CRMP1: variants seen among roughly 807,000 people sequenced by gnomAD.
CRMP1 encodes collapsin response mediator protein 1.
Under a neutral mutation model 68.3 loss-of-function variants are expected in CRMP1, and 19 were observed. The observed-to-expected ratio is 0.28, with a 90% CI of 0.19 to 0.41. CRMP1 has a LOEUF of 0.41. CRMP1 is among the 10% of genes least tolerant of loss of function. The probability of loss-of-function intolerance (pLI) is 1.00; values close to 1 mark genes in which losing one functional copy is unlikely to be tolerated. For missense variants in CRMP1, 791 were observed against 967.4 expected (o/e 0.82, Z 2.42); for synonymous variants, 439 against 399.6 (o/e 1.10, Z -1.18).
In CRMP1 at chr4:5,888,563, G is replaced by A. The variant is rs1406195036; in HGVS notation, c.381+4026C>T. 97 of 1,124,440 alleles carry A rather than the reference G, an allele frequency of 8.6e-5. No individual in the cohort carries two copies. Among genetic ancestry groups the A allele is most frequent in the Non-Finnish European group, 1.0e-4 (92 of 919,446 alleles). The allele number at this position is 1,124,440 out of a possible 1,614,324, so 69.7% of individuals were successfully genotyped here. ...ACAGCTCCTCCCGGCGGCGCGGAGC[G>A]AAGCCGGATTCGCCCCTCTCGGCTC... On this transcript the variant is annotated intron_variant, in intron 1 of 13. Transcript: ENST00000324989. The surrounding 1 kb of genome is among the most constrained non-coding windows in gnomAD (Gnocchi z 6.4).
In CRMP1 at chr4:5,890,572, T is replaced by C. The variant is rs1267417376; in HGVS notation, c.381+2017A>G. ...TCCGTGGAGATCGCGAGCCCCTGAGTTCCACAGTCGCGAAGCTCGAGTGCT... is the reference window on the plus strand; with the variant it reads ...TCCGTGGAGATCGCGAGCCCCTGAGCTCCACAGTCGCGAAGCTCGAGTGCT... On this transcript the variant is annotated intron_variant, in intron 1 of 13. Coordinates refer to ENST00000324989, the MANE Select transcript of CRMP1 (RefSeq NM_001014809.3). This position sits in a 1 kb window ranked among gnomAD's most constrained non-coding sequence, Gnocchi z 5.5. Among the ~76,000 whole-genome samples the C allele has an allele frequency of 6.6e-6, 1 of 152,180 alleles. No individual in the cohort carries two copies. The highest frequency in any genetic ancestry group is 1.5e-5 in the Non-Finnish European group (1 of 68,020).
rs1440510124 is a variant in CRMP1, at chr4:5,887,817, C to T, written c.381+4772G>A. 7.0e-6 allele frequency: 7 copies of T among 994,692 alleles called. No homozygotes were observed. In the South Asian group the frequency reaches 2.8e-4, roughly 40 times the overall value. 61.6% of individuals were successfully genotyped at this position (994,692 alleles called of 1,614,324 possible). On this transcript the variant is annotated intron_variant, in intron 1 of 13. Coordinates refer to ENST00000324989, the MANE Select transcript of CRMP1 (RefSeq NM_001014809.3). ...GGTACCGGGCTGTGGGGTGCATGGG[C>T]CGGACGGTGCGGGGGCCGAGCCAAG...
At position 5,854,797 on chromosome 4, in the gene CRMP1, G is replaced by A. The variant is rs145556084; in HGVS notation, c.820+1346C>T. On this transcript the variant is annotated intron_variant, in intron 4 of 13. Transcript: ENST00000324989. The surrounding 1 kb of genome is among the most constrained non-coding windows in gnomAD (Gnocchi z 4.0). ...AGATTCTGGCATAGGATTTGCAGGGGTACAAGGGGATGCATCTTTCAGGAA... is the reference window on the plus strand; with the variant it reads ...AGATTCTGGCATAGGATTTGCAGGGATACAAGGGGATGCATCTTTCAGGAA... 2.2e-4 allele frequency among the ~76,000 whole-genome samples: 33 copies of A among 152,266 alleles called. No individual in the cohort carries two copies. In the East Asian group the frequency reaches 6.4e-3, roughly 29 times the overall value.
intron 13 of CRMP1, among the ~76,000 whole-genome samples, chr4:5,823,137 G>A (rs1718955578): frequency 6.6e-6 from 1 of 152,048 alleles, no homozygotes; most frequent in Non-Finnish European, 1.5e-5. Flanking sequence ...TTGAATTTGG[G>A]CAATTTGGAG....
intron 12 of CRMP1, chr4:5,828,256 C>T: frequency 6.1e-6 from 6 of 985,338 alleles, no homozygotes; most frequent in Non-Finnish European, 7.2e-6. Context: ...CTCACGGGTG[C>T]ACACCCCTCT....
At position 5,825,385 on chromosome 4, in the gene CRMP1, T is replaced by A. The variant is rs77900989; in HGVS notation, c.1969+109A>T. 5,012 of 1,465,328 alleles carry A rather than the reference T, an allele frequency of 3.4e-3. 153 individuals are homozygous for A. The African/African-American group carries it at 0.066, about 19-fold the overall frequency. 90.8% of individuals were successfully genotyped at this position (1,465,328 alleles called of 1,614,324 possible). A position where few individuals can be genotyped will look rare whatever the true frequency, so the allele number is the denominator to read the frequency against. ...GGGTGGGGCACACTCCCTTCCCTGC[T>A]TCTTCATCTAGTGTCCAAGGCCACG... On this transcript the variant is annotated intron_variant, in intron 13 of 13. Transcript: ENST00000324989. This position sits in a 1 kb window ranked among gnomAD's most constrained non-coding sequence, Gnocchi z 4.4.
rs1297843517 is a variant in CRMP1, at chr4:5,866,118, C to T, written c.470+550G>A. On this transcript the variant is annotated intron_variant, in intron 2 of 13. Transcript: ENST00000324989. This position sits in a 1 kb window ranked among gnomAD's most constrained non-coding sequence, Gnocchi z 5.9. ...GACACCTGGGTTGTCATAAGCAGGG[C>T]TGAAGAGGGAGCCAATGAGAAGAAA... 1.3e-5 allele frequency among the ~76,000 whole-genome samples: 2 copies of T among 152,178 alleles called. No homozygotes were observed. The highest frequency in any genetic ancestry group is 1.3e-4 in the Admixed American group (2 of 15,286).
chr4:5,853,051 C>T lies in CRMP1; in HGVS notation c.821-1582G>A. On this transcript the variant is annotated intron_variant, in intron 4 of 13. Coordinates refer to ENST00000324989, the MANE Select transcript of CRMP1 (RefSeq NM_001014809.3). The surrounding 1 kb of genome is among the most constrained non-coding windows in gnomAD (Gnocchi z 4.7). Reference sequence around the variant, plus strand: ...GAGGAGCAGGCGCATCCTGATGAGCCAGGCAGACAGCTTGCAATTTATTCT... The same window carrying T: ...GAGGAGCAGGCGCATCCTGATGAGCTAGGCAGACAGCTTGCAATTTATTCT... Among the ~76,000 whole-genome samples the T allele has an allele frequency of 6.6e-6, 1 of 152,198 alleles. No individual in the cohort carries two copies. The highest frequency in any genetic ancestry group is 6.5e-5 in the Admixed American group (1 of 15,286).
rs1712830731 is a variant in CRMP1, at chr4:5,853,686, C to G, written c.821-2217G>C. Among the ~76,000 whole-genome samples, 1 of 152,242 alleles carries G rather than the reference C, an allele frequency of 6.6e-6. No individual in the cohort carries two copies. Among genetic ancestry groups the G allele is most frequent in the South Asian group, 2.1e-4 (1 of 4,834 alleles). On this transcript the variant is annotated intron_variant, in intron 4 of 13. Coordinates refer to ENST00000324989, the MANE Select transcript of CRMP1 (RefSeq NM_001014809.3). The surrounding 1 kb of genome is among the most constrained non-coding windows in gnomAD (Gnocchi z 4.7). ...GTTTATAACAGCCAAGATTAGGAAG[C>G]AACCTGTGTCCATCAATGAATGAAT...
chr4:5,853,579 T>C lies in CRMP1; in HGVS notation c.821-2110A>G, dbSNP rs965108858. Among the ~76,000 whole-genome samples the C allele has an allele frequency of 1.3e-5, 2 of 152,184 alleles. No homozygotes were observed. Among genetic ancestry groups the C allele is most frequent in the Admixed American group, 1.3e-4 (2 of 15,280 alleles). On this transcript the variant is annotated intron_variant, in intron 4 of 13. Transcript: ENST00000324989. The surrounding 1 kb of genome is among the most constrained non-coding windows in gnomAD (Gnocchi z 4.7). Reference sequence around the variant, plus strand: ...ACTGAATTACCATATGCTTCAGCAGTCCCACTACCGGCTGAAAATCCAAAG... The same window carrying C: ...ACTGAATTACCATATGCTTCAGCAGCCCCACTACCGGCTGAAAATCCAAAG...
rs1237129317 is a variant in CRMP1 at position 5,850,503 on chromosome 4, A to G, written c.882+905T>C. ...AGTGTTTATCTGAAAGGAAGGACAT[A>G]AAGTGCTTCTCCCGTTGCCCATCTA... is the stretch of plus-strand genomic sequence containing the variant. On this transcript the variant is annotated intron_variant, in intron 5 of 13. Transcript: ENST00000324989. The surrounding 1 kb of genome is among the most constrained non-coding windows in gnomAD (Gnocchi z 4.4). 1.3e-5 allele frequency among the ~76,000 whole-genome samples: 2 copies of G among 152,200 alleles called. No homozygotes were observed. The highest frequency in any genetic ancestry group is 2.9e-5 in the Non-Finnish European group (2 of 68,024).
intron 2 of CRMP1, among the ~76,000 whole-genome samples, chr4:5,863,886 T>C (rs1437492804): frequency 6.6e-6 from 1 of 152,092 alleles, no homozygotes; most frequent in Non-Finnish European, 1.5e-5. Context: ...AGGATGCACG[T>C]TCAGAATAAA....
chr4:5,869,696 A>AAAG (rs1553907680), intron 1 of CRMP1, among the ~76,000 whole-genome samples: 36 of 150,088 alleles, frequency 2.4e-4, no homozygotes, highest in African/African-American at 8.3e-4. Flanking sequence ...AAAAAAAAAA[A>AAAG]AAAAAGAAAA....
chr4:5,843,225 C>T lies in CRMP1; in HGVS notation c.964-64G>A. 1 of 1,558,500 alleles carries T rather than the reference C, an allele frequency of 6.4e-7. No homozygotes were observed. The highest frequency in any genetic ancestry group is 8.8e-7 in the Non-Finnish European group (1 of 1,130,026). ...GTCAGAGCTGGGAGAAGTGACTCCT[C>T]CAACCCCCTGGTTAGACAGAGGGGG... is the stretch of plus-strand genomic sequence containing the variant. On this transcript the variant is annotated intron_variant, in intron 6 of 13. Coordinates refer to ENST00000324989, the MANE Select transcript of CRMP1 (RefSeq NM_001014809.3). This position sits in a 1 kb window ranked among gnomAD's most constrained non-coding sequence, Gnocchi z 4.1.
At chr4:5,828,802 AT>A (rs1720094302) in intron 11 of CRMP1, 134 bp from the exon 12 acceptor site, 5 of 1,085,014 alleles carry the variant, frequency 4.6e-6, no homozygotes, top group African/African-American at 3.3e-5. Flanking sequence ...AATACCTTTT[AT>A]TGACTGTAAT....
chr4:5,884,621 A>T (rs564483263), intron 1 of CRMP1, among the ~76,000 whole-genome samples: 5 of 152,086 alleles, frequency 3.3e-5, no homozygotes, highest in African/African-American at 1.2e-4. Flanking sequence ...GCCTCAGTTT[A>T]CTCTTTGGGA....
At position 5,828,644 on chromosome 4, in the gene CRMP1, C is replaced by T; in HGVS notation, c.1648G>A (p.Gly550Ser). 6.2e-7 allele frequency: 1 copy of T among 1,614,164 alleles called. No homozygotes were observed. Among genetic ancestry groups the T allele is most frequent in the Middle Eastern group, 1.6e-4 (1 of 6,062 alleles). Residue 550 changes from glycine to serine, a missense_variant, in exon 12 of 14, where the codon GGT becomes AGT. Gly to Ser is a moderately conservative substitution (Grantham distance 56). Around this residue, in one of 3 missense-constraint regions of CRMP1, gnomAD observed 594 missense variants for 763.6 expected, o/e 0.78. Transcript: ENST00000324989. ...AGTGGGGAGCCGTGGCACTCCATAC[C>T]CTCGAAGATGTTGTACTCCACCGCC... ...KSAVEYNIFEGMECHGSPLVV... is the reference protein window; with the variant it reads ...KSAVEYNIFESMECHGSPLVV...
chr4:5,875,278 T>G (rs1441260821), intron 1 of CRMP1, among the ~76,000 whole-genome samples: 1 of 152,016 alleles, frequency 6.6e-6, no homozygotes, highest in East Asian at 1.9e-4. Flanking sequence ...TATTCCTGAG[T>G]GAGGCATTAA....
At chr4:5,835,824 G>T in intron 11 of CRMP1, 91 bp downstream of exon 11, 1 of 1,317,522 alleles carries the variant, frequency 7.6e-7, no homozygotes, top group Non-Finnish European at 9.9e-7. Flanking sequence ...CATCCTAGTT[G>T]GAAAATTCAT....
Sources: allele counts gnomAD v4.1 joint callset (sites outside exome capture counted in the v4.1 genomes callset), GRCh38; gene constraint gnomAD v4.1.1; regional missense constraint gnomAD v4.1.1; non-coding constraint Gnocchi (gnomAD v3.1); transcripts MANE v1.5; gene names NCBI Gene and HGNC (gene_info 2026-07-23, HGNC 2026-07-21).